Variants in CHD2 observed in about 807,000 individuals in gnomAD.
CHD2 encodes the protein chromodomain helicase DNA binding protein 2.
In CHD2, 28 loss-of-function variants were observed where a neutral mutation model predicts 243.9. That is an observed-to-expected ratio of 0.11 (90% CI 0.09 to 0.16). The LOEUF (loss-of-function observed/expected upper bound fraction) is 0.16, where lower values mean the gene tolerates loss of function less well. Ranked by LOEUF, CHD2 falls within the 10% of genes least tolerant of loss-of-function variation. The pLI is 1.00. For synonymous variants in CHD2, 775 were observed against 779.0 expected (o/e 0.99, Z 0.09); for missense variants, 1,386 against 2,209.8 (o/e 0.63, Z 7.47).
chr15:92,957,409 T>G (rs972028829), intron 16 of CHD2, among the ~76,000 whole-genome samples: 1 of 152,256 alleles, frequency 6.6e-6, no homozygotes, highest in Non-Finnish European at 1.5e-5. Context: ...AGAAATCTTT[T>G]GCAGATTGCC....
At chr15:92,988,422 G>T (rs563895989) in intron 26 of CHD2, among the ~76,000 whole-genome samples, 1 of 152,038 alleles carries the variant, frequency 6.6e-6, no homozygotes, top group Admixed American at 6.6e-5. Flanking sequence ...AGAAGGAAAA[G>T]AGTTACAAAA....
rs568317381 is a variant in CHD2, at chr15:92,908,000, A to G, written c.62+6701A>G. On this transcript the variant is annotated intron_variant, in intron 2 of 38. Coordinates refer to ENST00000394196, the MANE Select transcript of CHD2 (RefSeq NM_001271.4). ...TGCGTTTTACAGTTCATCCTCTCTT[A>G]GAATTTTTTTTTTTTTTTTTTTTTT... 4.2e-4 allele frequency among the ~76,000 whole-genome samples: 59 copies of G among 139,234 alleles called. No individual in the cohort carries two copies. In the East Asian group the frequency reaches 0.012, roughly 29 times the overall value. The allele number at this position is 139,234 out of a possible 152,430, so 91.3% of individuals were successfully genotyped here. A position where few individuals can be genotyped will look rare whatever the true frequency, so the allele number is the denominator to read the frequency against.
Position 92,998,675 on chromosome 15 carries a change from A to G in CHD2, c.4008+54A>G. 1 of 1,586,952 alleles carries G rather than the reference A, an allele frequency of 6.3e-7. No homozygotes were observed. The highest frequency in any genetic ancestry group is 2.3e-5 in the East Asian group (1 of 44,396). ...CAGGGGCCTGAGGCTCCTACCCTGC[A>G]GAATTAGGTAGGAAGAGAGAGGCCC... On this transcript the variant is annotated intron_variant, in intron 31 of 38. Coordinates refer to ENST00000394196, the MANE Select transcript of CHD2 (RefSeq NM_001271.4). This position sits in a 1 kb window ranked among gnomAD's most constrained non-coding sequence, Gnocchi z 5.1.
intron 6 of CHD2, among the ~76,000 whole-genome samples, chr15:92,938,654 C>T (rs754334827): frequency 2.0e-5 from 3 of 152,150 alleles, no homozygotes; most frequent in Non-Finnish European, 4.4e-5. Flanking sequence ...TTTATTACAT[C>T]GTTGATCATC....
At position 92,939,693 on chromosome 15, in the gene CHD2, C is replaced by T. The variant is rs200830337; in HGVS notation, c.667C>T (p.Arg223Cys). 7 of 1,613,882 alleles carry T rather than the reference C, an allele frequency of 4.3e-6. No individual in the cohort carries two copies. Among genetic ancestry groups the T allele is most frequent in the Admixed American group, 1.7e-5 (1 of 59,988 alleles). Reference sequence around the variant, plus strand: ...TGACGAAGCTCCCAAAAGGCAGACTCGTCGAAGAGCGGCTAAAAACGTTAG... The same window carrying T: ...TGACGAAGCTCCCAAAAGGCAGACTTGTCGAAGAGCGGCTAAAAACGTTAG... ...DDDEAPKRQT[R>C]RRAAKNVSYK... is the part of the protein sequence containing the mutation. The change falls in exon 7 of 39, where the codon CGT (arginine) becomes TGT (cysteine). Residue 223 changes from arginine (R) to cysteine (C), a missense_variant. This residue lies in a region of CHD2 where 200 missense variants were observed against 292.5 expected (regional missense o/e 0.68). Transcript: ENST00000394196.
chr15:92,952,524 T>G (rs772002062), intron 13 of CHD2, among the ~76,000 whole-genome samples: 3 of 152,034 alleles, frequency 2.0e-5, no homozygotes, highest in Non-Finnish European at 4.4e-5. Flanking sequence ...TCATAAGGAG[T>G]GTGCAACGTA....
At chr15:92,948,003 T>A (rs995207574) in intron 12 of CHD2, among the ~76,000 whole-genome samples, 11 of 152,226 alleles carry the variant, frequency 7.2e-5, no homozygotes, top group Non-Finnish European at 1.3e-4. Context: ...GGACACACAT[T>A]TCAGACTTTG....
At chr15:92,927,462 A>C (rs558467259) in intron 4 of CHD2, 132 bp downstream of exon 4, 8 of 598,270 alleles carry the variant, frequency 1.3e-5, no homozygotes, top group Non-Finnish European at 2.4e-5. Flanking sequence ...AATATGAGCT[A>C]TCTATGACCA....
intron 2 of CHD2, among the ~76,000 whole-genome samples, chr15:92,916,837 C>G (rs1488334964): frequency 6.6e-6 from 1 of 152,228 alleles, no homozygotes; most frequent in African/African-American, 2.4e-5. Context: ...CAGGCATGAG[C>G]TACTGCTCCT....
At chr15:92,923,900 C>T (rs937770966) in intron 2 of CHD2, among the ~76,000 whole-genome samples, 4 of 151,948 alleles carry the variant, frequency 2.6e-5, no homozygotes, top group Admixed American at 6.6e-5. Flanking sequence ...TTGTTTTTTT[C>T]TTGTTGAGAG....
At position 92,901,262 on chromosome 15, in the gene CHD2, C is replaced by A. The variant is rs755568618; in HGVS notation, c.25C>A (p.Gln9Lys). MMRNKDKS[Q>K]EEDSSLHSNA... ...GATGATGAGAAATAAGGACAAAAGC[C>A]AAGAGGAGGACAGTTCGCTACACAG... The change falls in exon 2 of 39, where the codon CAA becomes AAA. Residue 9 changes from glutamine (Q) to lysine (K), a missense_variant. Around this residue, in one of 19 missense-constraint regions of CHD2, gnomAD observed 89 missense variants for 102.4 expected, o/e 0.87. Coordinates refer to ENST00000394196, the MANE Select transcript of CHD2 (RefSeq NM_001271.4). The A allele has an allele frequency of 6.2e-7, 1 of 1,605,506 alleles. No individual in the cohort carries two copies. The highest frequency in any genetic ancestry group is 8.5e-7 in the Non-Finnish European group (1 of 1,172,810).
chr15:92,967,505 G>A lies in CHD2; in HGVS notation c.2181G>A (p.Gln727=). Residue 727 remains glutamine, a synonymous_variant, in exon 17 of 39, where the codon CAG becomes CAA. Coordinates refer to ENST00000394196, the MANE Select transcript of CHD2 (RefSeq NM_001271.4). ...LRVEMSALQK[Q]YYKWILTRNY... is the part of the protein sequence containing the mutation. ...TGGAGATGTCAGCCCTTCAGAAACA[G>A]TATTACAAGTAAGTTCTTGTTTGGG... 6.2e-7 allele frequency: 1 copy of A among 1,612,944 alleles called. No individual in the cohort carries two copies. Among genetic ancestry groups the A allele is most frequent in the Non-Finnish European group, 8.5e-7 (1 of 1,179,312 alleles).
Position 92,997,189 on chromosome 15 carries a change from C to T in CHD2, c.3735-64C>T. The T allele has an allele frequency of 1.2e-6, 2 of 1,606,876 alleles. No individual in the cohort carries two copies. The highest frequency in any genetic ancestry group is 1.7e-6 in the Non-Finnish European group (2 of 1,177,158). ...TGTAGTTCCATAGTATTTTTACTGT[C>T]TCTTCTTTAACATACCAAAAAGGCC... On this transcript the variant is annotated intron_variant, in intron 29 of 38. Coordinates refer to ENST00000394196, the MANE Select transcript of CHD2 (RefSeq NM_001271.4). This position sits in a 1 kb window ranked among gnomAD's most constrained non-coding sequence, Gnocchi z 4.1.
At position 92,903,155 on chromosome 15, in the gene CHD2, T is replaced by G. The variant is rs147404698; in HGVS notation, c.62+1856T>G. On this transcript the variant is annotated intron_variant, in intron 2 of 38. Transcript: ENST00000394196. Reference sequence around the variant, plus strand: ...CCTAAATTTCATATCTTAATACATGTACATAATTATGACATCACTTCCTTT... The same window carrying G: ...CCTAAATTTCATATCTTAATACATGGACATAATTATGACATCACTTCCTTT... 2.4e-4 allele frequency among the ~76,000 whole-genome samples: 36 copies of G among 152,366 alleles called. No individual in the cohort carries two copies. The East Asian group carries it at 6.7e-3, about 29-fold the overall frequency.
At position 92,901,253 on chromosome 15, in the gene CHD2, G is replaced by C; in HGVS notation, c.16G>C (p.Asp6His). The C allele has an allele frequency of 6.2e-7, 1 of 1,601,824 alleles. No individual in the cohort carries two copies. Among genetic ancestry groups the C allele is most frequent in the Middle Eastern group, 1.7e-4 (1 of 6,038 alleles). The change falls in exon 2 of 39, where the codon GAC becomes CAC. Residue 6 changes from aspartate (D) to histidine (H), a missense_variant. Asp to His is a moderately conservative substitution (Grantham distance 81). Transcript: ENST00000394196. ...GAATTAAAAGATGATGAGAAATAAG[G>C]ACAAAAGCCAAGAGGAGGACAGTTC... MMRNK[D>H]KSQEEDSSLH...
rs577227733 is a variant in CHD2, at chr15:92,904,402, G to C, written c.62+3103G>C. ...CCCCGTGACGTCAGACGGCTCCCCT[G>C]GGGGGCGGGGAGAGAACGCAGTGAC... is the stretch of plus-strand genomic sequence containing the variant. On this transcript the variant is annotated intron_variant, in intron 2 of 38. Coordinates refer to ENST00000394196, the MANE Select transcript of CHD2 (RefSeq NM_001271.4). The C allele has an allele frequency of 2.7e-5, 26 of 960,876 alleles. No homozygotes were observed. The South Asian group carries it at 4.3e-4, about 16-fold the overall frequency. 59.5% of individuals were successfully genotyped at this position (960,876 alleles called of 1,614,324 possible).
rs2272463 is a variant in CHD2 at position 92,937,777 on chromosome 15, A to G, written c.551+152A>G. ...TCTGTGGTTCACTTTCAGCCAGCCT[A>G]CATTGCAGGTCTTACTGCTTCTTTC... On this transcript the variant is annotated intron_variant, in intron 6 of 38. Transcript: ENST00000394196. The G allele has an allele frequency of 0.071, 40,933 of 575,074 alleles. 1,816 individuals carry two copies. The highest frequency in any genetic ancestry group is 0.16 in the Middle Eastern group (594 of 3,658). 35.6% of individuals were successfully genotyped at this position (575,074 alleles called of 1,614,324 possible).
intron 35 of CHD2, among the ~76,000 whole-genome samples, chr15:93,009,996 T>G: frequency 6.6e-6 from 1 of 152,230 alleles, no homozygotes; most frequent in East Asian, 1.9e-4. Flanking sequence ...CAGTGCACAC[T>G]GCACCCAGTG....
chr15:92,969,767 A>G (rs935400227), intron 17 of CHD2, among the ~76,000 whole-genome samples: 1 of 152,068 alleles, frequency 6.6e-6, no homozygotes, highest in Non-Finnish European at 1.5e-5. Flanking sequence ...AACAAAGCTA[A>G]TACTACCACC....
Sources: allele counts gnomAD v4.1 joint callset (sites outside exome capture counted in the v4.1 genomes callset), GRCh38; gene constraint gnomAD v4.1.1; regional missense constraint gnomAD v4.1.1; non-coding constraint Gnocchi (gnomAD v3.1); transcripts MANE v1.5; gene names NCBI Gene and HGNC (gene_info 2026-07-23, HGNC 2026-07-21).